The following ARNT2 variants were observed in gnomAD, a reference collection of about 807,000 sequenced individuals.
ARNT2 encodes aryl hydrocarbon receptor nuclear translocator 2.
A neutral mutation model predicts 91.7 loss-of-function variants in ARNT2; 36 were observed. That is an observed-to-expected ratio of 0.39 (90% CI 0.30 to 0.52). ARNT2 has a LOEUF of 0.52. ARNT2 is among the 20% of genes least tolerant of loss of function. ARNT2 has a pLI of 0.72. For synonymous variants in ARNT2, 365 were observed against 347.1 expected (o/e 1.05, Z -0.57); for missense variants, 775 against 939.3 (o/e 0.83, Z 2.29).
At chr15:80,484,599 G>C (rs1405129687) in intron 5 of ARNT2, among the ~76,000 whole-genome samples, 1 of 152,218 alleles carries the variant, frequency 6.6e-6, no homozygotes, top group Non-Finnish European at 1.5e-5. Context: ...TGAACTGTTT[G>C]TGTTTTTTTC....
chr15:80,472,188 G>A (rs1249058940), intron 4 of ARNT2, among the ~76,000 whole-genome samples: 1 of 152,166 alleles, frequency 6.6e-6, no homozygotes, highest in Non-Finnish European at 1.5e-5. Flanking sequence ...GTAGGGTATA[G>A]GGTCCTAAAA....
chr15:80,472,046 A>G (rs1433348690), intron 4 of ARNT2, among the ~76,000 whole-genome samples: 1 of 152,182 alleles, frequency 6.6e-6, no homozygotes, highest in Admixed American at 6.5e-5. Context: ...CCTGTCTCCA[A>G]GAGCTTTTGC....
At chr15:80,535,454 G>A (rs1479800177) in intron 8 of ARNT2, among the ~76,000 whole-genome samples, 1 of 152,166 alleles carries the variant, frequency 6.6e-6, no homozygotes, top group African/African-American at 2.4e-5. Flanking sequence ...ATAGTTTGTG[G>A]GGGAGAGGAA....
chr15:80,511,554 G>A (rs573749821), intron 6 of ARNT2, among the ~76,000 whole-genome samples: 6 of 152,218 alleles, frequency 3.9e-5, no homozygotes, highest in East Asian at 1.9e-4. Flanking sequence ...ACACCTAGAC[G>A]GAGAAGATGA....
chr15:80,448,587 G>C (rs952029195), intron 1 of ARNT2, among the ~76,000 whole-genome samples: 1 of 152,182 alleles, frequency 6.6e-6, no homozygotes, highest in Non-Finnish European at 1.5e-5. Flanking sequence ...ATTGGAACGG[G>C]GAAGGGATGA....
At chr15:80,518,676 C>T (rs1332602642) in intron 8 of ARNT2, among the ~76,000 whole-genome samples, 1 of 152,124 alleles carries the variant, frequency 6.6e-6, no homozygotes, top group African/African-American at 2.4e-5. Flanking sequence ...AGAAATTGTT[C>T]TGTAATCTTA....
chr15:80,530,865 C>T (rs1897728356), intron 8 of ARNT2, among the ~76,000 whole-genome samples: 1 of 152,186 alleles, frequency 6.6e-6, no homozygotes, highest in African/African-American at 2.4e-5. Flanking sequence ...ATTCCATGCT[C>T]AATCCATTTG....
intron 3 of ARNT2, among the ~76,000 whole-genome samples, chr15:80,461,301 G>A (rs1896548630): frequency 6.6e-6 from 1 of 152,246 alleles, no homozygotes; most frequent in Admixed American, 6.5e-5. Flanking sequence ...ATTAGGGCAG[G>A]TGCCATGGAA....
intron 16 of ARNT2, 171 bp from the exon 17 acceptor site, chr15:80,581,068 C>A: frequency 1.4e-6 from 1 of 731,302 alleles, no homozygotes; most frequent in Non-Finnish European, 2.2e-6. Flanking sequence ...AGTTCCTGGG[C>A]CCTCACACAC....
Position 80,591,492 on chromosome 15 carries a change from G to A in ARNT2, c.1919-76G>A. 2 of 1,584,366 alleles carry A rather than the reference G, an allele frequency of 1.3e-6. No homozygotes were observed. Among genetic ancestry groups the A allele is most frequent in the Non-Finnish European group, 1.7e-6 (2 of 1,158,836 alleles). On this transcript the variant is annotated intron_variant, in intron 17 of 18. Transcript: ENST00000303329. This position sits in a 1 kb window ranked among gnomAD's most constrained non-coding sequence, Gnocchi z 5.1. Reference sequence around the variant, plus strand: ...CCTTTCAGAAGCGGGAGGCCCTCCAGCCGCAGTGGTTCTTAGGTCTCACAG... The same window carrying A: ...CCTTTCAGAAGCGGGAGGCCCTCCAACCGCAGTGGTTCTTAGGTCTCACAG...
chr15:80,591,835 G>T lies in ARNT2; in HGVS notation c.2055+131G>T. 1 of 1,401,898 alleles carries T rather than the reference G, an allele frequency of 7.1e-7. No individual in the cohort carries two copies. Among genetic ancestry groups the T allele is most frequent in the Non-Finnish European group, 9.5e-7 (1 of 1,047,300 alleles). 86.8% of individuals were successfully genotyped at this position (1,401,898 alleles called of 1,614,324 possible). A position where few individuals can be genotyped will look rare whatever the true frequency, so the allele number is the denominator to read the frequency against. On this transcript the variant is annotated intron_variant, in intron 18 of 18. Coordinates refer to ENST00000303329, the MANE Select transcript of ARNT2 (RefSeq NM_014862.4). The surrounding 1 kb of genome is among the most constrained non-coding windows in gnomAD (Gnocchi z 5.1). Reference sequence around the variant, plus strand: ...GTTCTGGCCCAGCCTGGGCTCGAGGGAGTCCAGGAGTAGAAAGCCCCATCC... The same window carrying T: ...GTTCTGGCCCAGCCTGGGCTCGAGGTAGTCCAGGAGTAGAAAGCCCCATCC...
chr15:80,421,753 A>T (rs1329901301), intron 1 of ARNT2, among the ~76,000 whole-genome samples: 1 of 152,120 alleles, frequency 6.6e-6, no homozygotes, highest in Non-Finnish European at 1.5e-5. Context: ...TATTTACGAC[A>T]CCTTGGGCCT....
chr15:80,593,374 T>C (rs1013826333), intron 18 of ARNT2, among the ~76,000 whole-genome samples: 1 of 152,268 alleles, frequency 6.6e-6, no homozygotes, highest in Non-Finnish European at 1.5e-5. Flanking sequence ...CATGTCCTAA[T>C]GCCGTTTACC....
intron 3 of ARNT2, among the ~76,000 whole-genome samples, chr15:80,464,943 C>CT (rs1417752388): frequency 6.6e-6 from 1 of 152,224 alleles, no homozygotes; most frequent in Non-Finnish European, 1.5e-5. Flanking sequence ...GGTCTGATGA[C>CT]TCCCCCAGGC....
chr15:80,406,357 C>T (rs964015594), intron 1 of ARNT2, among the ~76,000 whole-genome samples: 5 of 152,188 alleles, frequency 3.3e-5, no homozygotes, highest in Non-Finnish European at 5.9e-5. Context: ...GCCAGTTTGC[C>T]TGTGACTGAA....
intron 2 of ARNT2, among the ~76,000 whole-genome samples, chr15:80,451,427 T>C (rs1896388086): frequency 6.6e-6 from 1 of 152,244 alleles, no homozygotes; most frequent in South Asian, 2.1e-4. Context: ...AATAATTGGC[T>C]AAATCTCAGT....
At chr15:80,413,926 A>G (rs1231152539) in intron 1 of ARNT2, among the ~76,000 whole-genome samples, 3 of 152,208 alleles carry the variant, frequency 2.0e-5, no homozygotes, top group African/African-American at 7.2e-5. Flanking sequence ...ACAGCAGTTA[A>G]AAAAGCCACT....
At chr15:80,418,464 C>G (rs1305990548) in intron 1 of ARNT2, among the ~76,000 whole-genome samples, 3 of 152,208 alleles carry the variant, frequency 2.0e-5, no homozygotes, top group Non-Finnish European at 4.4e-5. Flanking sequence ...TTTGCTGGAC[C>G]ATTCTTCTGT....
intron 12 of ARNT2, among the ~76,000 whole-genome samples, chr15:80,572,752 GT>G (rs1408540093): frequency 6.6e-6 from 1 of 152,216 alleles, no homozygotes; most frequent in Non-Finnish European, 1.5e-5. Flanking sequence ...TTGAGAGATT[GT>G]TTTTCTTGGT....
Sources: allele counts gnomAD v4.1 joint callset (sites outside exome capture counted in the v4.1 genomes callset), GRCh38; gene constraint gnomAD v4.1.1; non-coding constraint Gnocchi (gnomAD v3.1); transcripts MANE v1.5; gene names NCBI Gene and HGNC (gene_info 2026-07-23, HGNC 2026-07-21).